Variants in RPS24 observed in about 807,000 individuals in gnomAD.
RPS24 encodes the protein small ribosomal subunit protein eS24.
For missense variants in RPS24, 100 were observed against 162.5 expected, an observed-to-expected ratio of 0.62 and a Z score of 2.09; for synonymous variants, 72 against 55.6, an observed-to-expected ratio of 1.30 and a Z score of -1.31.
At chr10:78,041,209 C>G (rs1464296889), downstream of RPS24, among the ~76,000 whole-genome samples, 1 of 151,980 alleles carries the variant, frequency 6.6e-6, no homozygotes, top group East Asian at 1.9e-4. Context: ...CTTGGTTGGG[C>G]ATGAAGGGGA....
chr10:78,035,396 A>C lies in RPS24; in HGVS notation c.48A>C (p.Arg16=). The C allele has an allele frequency of 1.2e-6, 2 of 1,614,176 alleles. No individual in the cohort carries two copies. Among genetic ancestry groups the C allele is most frequent in the Non-Finnish European group, 1.7e-6 (2 of 1,180,010 alleles). The change falls in exon 2 of 6, where the codon CGA becomes CGC. Residue 16 remains arginine, a synonymous_variant. Transcript: ENST00000372360. ...TIRTRKFMTN[R]LLQRKQMVID... Reference sequence around the variant, plus strand: ...GCACTAGAAAGTTCATGACCAACCGACTACTTCAGAGGAAACAAATGGTAA... The same window carrying C: ...GCACTAGAAAGTTCATGACCAACCGCCTACTTCAGAGGAAACAAATGGTAA...
chr10:78,040,819 A>T (rs1002012461), downstream of RPS24: 3 of 718,192 alleles, frequency 4.2e-6, no homozygotes, highest in Non-Finnish European at 7.1e-6. Context: ...ACTTAATGTC[A>T]TGGGGTGGTG....
In RPS24 at chr10:78,048,917, C is replaced by T. The variant is rs968807589; in HGVS notation, c.391-5614C>T. 3.4e-5 allele frequency: 5 copies of T among 148,054 alleles called. No homozygotes were observed. In the East Asian group the frequency reaches 6.0e-4, roughly 18 times the overall value. 9.2% of individuals were successfully genotyped at this position (148,054 alleles called of 1,614,324 possible). A position where few individuals can be genotyped will look rare whatever the true frequency, so the allele number is the denominator to read the frequency against. On this transcript the variant is annotated intron_variant, in intron 4 of 4. Coordinates refer to the RPS24 transcript ENST00000440692. Reference sequence around the variant, plus strand: ...AAAAATTGCCCAACCCATAGGCAAACATTGTTAACTGCAGCTGTCCTTGGT... The same window carrying T: ...AAAAATTGCCCAACCCATAGGCAAATATTGTTAACTGCAGCTGTCCTTGGT...
At position 78,054,540 on chromosome 10, in the gene RPS24, T is replaced by C. The variant is rs1320327022; in HGVS notation, c.400T>C (p.Leu134=). Residue 134 remains leucine (L), a synonymous_variant, in exon 5 of 5, where the codon TTG becomes CTG. Coordinates refer to the RPS24 transcript ENST00000440692. The stretch of plus-strand genomic sequence containing the variant: ...CTTCCCGCTTTTGCAGATGAGGGAA[T>C]TGGGGCTTGGAGTGCAAGCATTGGG... 12 of 1,538,814 alleles carry C rather than the reference T, an allele frequency of 7.8e-6. No homozygotes were observed. In the Admixed American group the frequency reaches 1.4e-4, roughly 18 times the overall value.
chr10:78,039,369 G>A (rs1240778710), intron 4 of RPS24: 3 of 152,208 alleles, frequency 2.0e-5, no homozygotes, highest in African/African-American at 7.2e-5. Context: ...AGTCCCACAG[G>A]TATGGAGGAG....
At chr10:78,056,223 G>A (rs1848148439) in exon 5 of RPS24, 1 of 152,310 alleles carries the variant, frequency 6.6e-6, no homozygotes, top group Admixed American at 6.5e-5. Flanking sequence ...GGTCACCTTG[G>A]TGTTGGTGAA....
intron 1 of RPS24, 145 bp downstream of exon 1, chr10:78,034,049 C>A: frequency 9.4e-7 from 1 of 1,063,612 alleles, no homozygotes; most frequent in Non-Finnish European, 1.5e-6. Context: ...TCGAGGGGCT[C>A]GGGGCTGTTG....
intron 3 of RPS24, chr10:78,036,133 A>C (rs1456068400): frequency 3.8e-6 from 1 of 260,690 alleles, no homozygotes; most frequent in Non-Finnish European, 7.6e-6. Flanking sequence ...AGTGAACTAC[A>C]GCAGTGATCT....
At chr10:78,056,020 G>A (rs1027506479) in exon 5 of RPS24, 2 of 152,318 alleles carry the variant, frequency 1.3e-5, no homozygotes, top group Non-Finnish European at 2.9e-5. Flanking sequence ...CAACGTGCTG[G>A]GATTACAGGC....
chr10:78,045,775 C>T (rs1589333597), intron 4 of RPS24, among the ~76,000 whole-genome samples: 1 of 150,724 alleles, frequency 6.6e-6, no homozygotes, highest in Non-Finnish European at 1.5e-5. Context: ...GAGGCTGAGG[C>T]GGGTGGATCA....
chr10:78,037,680 A>G, intron 4 of RPS24: 2 of 331,814 alleles, frequency 6.0e-6, no homozygotes, highest in South Asian at 2.6e-5. Flanking sequence ...ACACTGGTTT[A>G]AGAAGCAGTT....
At chr10:78,054,688 G>T (rs955266569) in exon 5 of RPS24, 1 of 1,551,700 alleles carries the variant, frequency 6.4e-7, no homozygotes, top group Admixed American at 2.0e-5. Context: ...GGCAGATTGC[G>T]GAGGGGCTGT....
At chr10:78,038,728 C>T (rs778635830) in intron 4 of RPS24, 2 of 152,028 alleles carry the variant, frequency 1.3e-5, no homozygotes, top group Admixed American at 1.3e-4. Flanking sequence ...GTTACTGTAC[C>T]TCCCGGGCTT....
At chr10:78,050,594 C>T (rs1485990594) in intron 4 of RPS24, among the ~76,000 whole-genome samples, 1 of 152,126 alleles carries the variant, frequency 6.6e-6, no homozygotes, top group Non-Finnish European at 1.5e-5. Context: ...AGTGGTGCAA[C>T]CACCACCACC....
At chr10:78,046,157 CT>C (rs1848041129) in intron 4 of RPS24, among the ~76,000 whole-genome samples, 1 of 152,166 alleles carries the variant, frequency 6.6e-6, no homozygotes, top group South Asian at 2.1e-4. Flanking sequence ...GGAAGCTGGA[CT>C]GAAGTTTCTC....
intron 4 of RPS24, 128 bp downstream of exon 4, chr10:78,037,432 A>T (rs1847896545): frequency 7.1e-7 from 1 of 1,416,896 alleles, no homozygotes; most frequent in Non-Finnish European, 9.4e-7. Flanking sequence ...CTTCTTCTGG[A>T]TTACAGAAGG....
chr10:78,043,379 AC>A (rs1365974305), downstream of RPS24, among the ~76,000 whole-genome samples: 3 of 152,134 alleles, frequency 2.0e-5, no homozygotes, highest in Non-Finnish European at 4.4e-5. Context: ...TAAGCATCTT[AC>A]CAGTGTCTCA....
At chr10:78,045,924 C>A (rs1049250592) in intron 4 of RPS24, among the ~76,000 whole-genome samples, 1 of 152,006 alleles carries the variant, frequency 6.6e-6, no homozygotes, top group Non-Finnish European at 1.5e-5. Context: ...ATTGCTTGAA[C>A]CCAGGAGGCG....
intron 4 of RPS24, among the ~76,000 whole-genome samples, chr10:78,047,768 C>T (rs973856350): frequency 1.3e-5 from 2 of 152,158 alleles, no homozygotes; most frequent in African/African-American, 4.8e-5. Context: ...AGGCAGCTTG[C>T]GGTTTCTATT....
Sources: allele counts gnomAD v4.1 joint callset (sites outside exome capture counted in the v4.1 genomes callset), GRCh38; gene constraint gnomAD v4.1.1; transcripts MANE v1.5; gene names NCBI Gene and HGNC (gene_info 2026-07-23, HGNC 2026-07-21).